Variants in ERCC6L2 observed in about 807,000 individuals in gnomAD.
ERCC6L2 encodes the protein ERCC excision repair 6 like 2, also known as DNA excision repair protein ERCC-6-like 2.
A neutral mutation model predicts 132.0 loss-of-function variants in ERCC6L2; 77 were observed. The observed-to-expected ratio is 0.58, with a 90% confidence interval of 0.49 to 0.71. The LOEUF (loss-of-function observed/expected upper bound fraction) is 0.71. Among genes scored for constraint, ERCC6L2 ranks in the 30% least tolerant of loss-of-function variants. The pLI is 0.00. For missense variants in ERCC6L2, 1,542 were observed against 1,837.6 expected, an observed-to-expected ratio of 0.84 and a Z score of 2.94; for synonymous variants, 583 against 632.4, an observed-to-expected ratio of 0.92 and a Z score of 1.17.
At chr9:95,877,032 G>A (rs908615906) in intron 1 of ERCC6L2, 1 of 152,190 alleles carries the variant, frequency 6.6e-6, no homozygotes, top group Non-Finnish European at 1.5e-5. Flanking sequence ...CCCCGAGGTG[G>A]GAACACCCTT....
intron 11 of ERCC6L2, among the ~76,000 whole-genome samples, chr9:95,931,555 G>A (rs1830340697): frequency 6.6e-6 from 1 of 152,154 alleles, no homozygotes; most frequent in Non-Finnish European, 1.5e-5. Flanking sequence ...TACAGAAAAT[G>A]TCTTTTATTG....
At chr9:95,946,658 T>G (rs962569423) in intron 12 of ERCC6L2, among the ~76,000 whole-genome samples, 1 of 152,262 alleles carries the variant, frequency 6.6e-6, no homozygotes, top group African/African-American at 2.4e-5. Flanking sequence ...TGCACTTCAC[T>G]TTATTGTGCT....
rs78293324 is a variant in ERCC6L2, at chr9:95,876,031, C to G, written c.-8C>G. 3,702 of 1,588,360 alleles carry G rather than the reference C, an allele frequency of 2.3e-3. 68 individuals carry two copies. The East Asian group carries it at 0.05, about 21-fold the overall frequency. Reference sequence around the variant, plus strand: ...ATGCAGCCGGGCTCGGCCCCTCCCCCTGGCCGGATGGATCCGTCGGCGCCA... The same window carrying G: ...ATGCAGCCGGGCTCGGCCCCTCCCCGTGGCCGGATGGATCCGTCGGCGCCA... On this transcript the variant is annotated 5_prime_UTR_variant, in exon 1 of 19. Transcript: ENST00000653738.
At chr9:96,006,272 G>A (rs943555965) in intron 18 of ERCC6L2, among the ~76,000 whole-genome samples, 2 of 152,360 alleles carry the variant, frequency 1.3e-5, no homozygotes, top group Admixed American at 6.5e-5. Context: ...GGAGGCATAA[G>A]AGGCACAGTA....
intron 18 of ERCC6L2, among the ~76,000 whole-genome samples, chr9:96,010,978 C>G (rs929425789): frequency 3.9e-5 from 6 of 152,210 alleles, no homozygotes; most frequent in Non-Finnish European, 8.8e-5. Context: ...TAATCAAGTG[C>G]TGCTGCACTC....
chr9:95,910,332 A>G (rs1055297523), intron 4 of ERCC6L2, among the ~76,000 whole-genome samples: 1 of 151,994 alleles, frequency 6.6e-6, no homozygotes, highest in African/African-American at 2.4e-5. Flanking sequence ...ATACCTATTT[A>G]TTTCTAATAA....
intron 2 of ERCC6L2, among the ~76,000 whole-genome samples, chr9:95,892,491 T>G (rs555284774): frequency 1.3e-5 from 2 of 150,592 alleles, no homozygotes; most frequent in Non-Finnish European, 3.0e-5. Context: ...GGTGGTGATC[T>G]CAGCTCACTG....
At chr9:96,029,250 G>A (rs1341505346) in intron 19 of ERCC6L2, among the ~76,000 whole-genome samples, 1 of 143,768 alleles carries the variant, frequency 7.0e-6, no homozygotes, top group Non-Finnish European at 1.5e-5. Context: ...GTTGCAGTGA[G>A]CTGAGATCGC....
chr9:95,914,285 A>G (rs1829474650), intron 4 of ERCC6L2, among the ~76,000 whole-genome samples: 1 of 152,154 alleles, frequency 6.6e-6, no homozygotes, highest in African/African-American at 2.4e-5. Context: ...ATATCTTCAG[A>G]TAGACATTTG....
chr9:95,895,728 C>CT (rs10711041), intron 2 of ERCC6L2, among the ~76,000 whole-genome samples: 3,341 of 134,984 alleles, frequency 0.025, 50 homozygotes, highest in Non-Finnish European at 0.029. Flanking sequence ...GTTGTCATAG[C>CT]TTTTTTTTTT....
At chr9:96,027,393 G>A (rs1834393169) in intron 19 of ERCC6L2, among the ~76,000 whole-genome samples, 4 of 152,220 alleles carry the variant, frequency 2.6e-5, no homozygotes. Context: ...CCCGCGGGCT[G>A]CGGGAAAGGA....
chr9:95,894,120 G>A (rs551521815), intron 2 of ERCC6L2, among the ~76,000 whole-genome samples: 59 of 152,282 alleles, frequency 3.9e-4, no homozygotes, highest in Middle Eastern at 3.4e-3. Flanking sequence ...TTAGCATATA[G>A]TTGGGCAGAA....
chr9:95,972,578 G>A lies in ERCC6L2; in HGVS notation c.2827G>A (p.Asp943Asn), dbSNP rs1361230219. 1 of 1,289,508 alleles carries A rather than the reference G, an allele frequency of 7.8e-7. No homozygotes were observed. Among genetic ancestry groups the A allele is most frequent in the African/African-American group, 1.5e-5 (1 of 65,910 alleles). 79.9% of individuals were successfully genotyped at this position (1,289,508 alleles called of 1,614,324 possible). Residue 943 changes from aspartate (D) to asparagine (N), a missense_variant, in exon 16 of 19, where the codon GAT becomes AAT. Physicochemically the swap from Asp to Asn is conservative, Grantham distance 23. Transcript: ENST00000653738. ...ACACACTGTAAAAACAAGAAATAAT[G>A]ATAATAGTCGAAACACTGATGACAA... The part of the protein sequence containing the change: ...TEHTVKTRNN[D>N]NSRNTDDKRN...
intron 14 of ERCC6L2, among the ~76,000 whole-genome samples, chr9:95,969,765 A>G (rs1388016550): frequency 2.6e-5 from 4 of 152,184 alleles, no homozygotes; most frequent in African/African-American, 9.6e-5. Context: ...CTAGAGTTCC[A>G]TAGGGGAGAT....
intron 9 of ERCC6L2, 24 bp from the exon 10 acceptor site, chr9:95,928,055 T>C (rs1489399500): frequency 6.3e-6 from 10 of 1,580,036 alleles, no homozygotes; most frequent in Non-Finnish European, 8.7e-6. Context: ...ACTGGTTCAC[T>C]GATTTTCTGT....
Position 95,964,455 on chromosome 9 carries a change from A to G in ERCC6L2, c.1948-2107A>G, listed in dbSNP as rs16910390. Among the ~76,000 whole-genome samples, 890 of 152,224 alleles carry G rather than the reference A, an allele frequency of 5.8e-3. 25 individuals are homozygous for G. In the East Asian group the frequency reaches 0.069, roughly 12 times the overall value. ...CCACCTGGGTTATCCAGATGGGCCA[A>G]TGTAATCACAAGGGATTTTTTATAA... On this transcript the variant is annotated intron_variant, in intron 13 of 18. Coordinates refer to ENST00000653738, the MANE Select transcript of ERCC6L2 (RefSeq NM_020207.7).
At chr9:95,999,447 GT>G (rs201531070) in intron 17 of ERCC6L2, among the ~76,000 whole-genome samples, 1,553 of 152,274 alleles carry the variant, frequency 0.01, 20 homozygotes, top group Middle Eastern at 0.041. Context: ...AGATCCACGT[GT>G]CTAATAGCTA....
intron 11 of ERCC6L2, 105 bp from the exon 12 acceptor site, chr9:95,941,349 C>T (rs1830787897): frequency 3.0e-6 from 2 of 676,242 alleles, no homozygotes; most frequent in Non-Finnish European, 5.1e-6. Flanking sequence ...GAAATTAATG[C>T]AATATCGTAC....
intron 17 of ERCC6L2, among the ~76,000 whole-genome samples, chr9:96,002,499 G>A (rs1453302492): frequency 6.7e-6 from 1 of 148,520 alleles, no homozygotes; most frequent in Non-Finnish European, 1.5e-5. Context: ...TTGGCTCATT[G>A]CAACTTCTGC....
Sources: gnomAD v4.1 joint callset for allele counts (sites outside exome capture counted in the v4.1 genomes callset) on GRCh38, gnomAD v4.1.1 for gene constraint, MANE v1.5 for transcripts, NCBI Gene and HGNC (gene_info 2026-07-23, HGNC 2026-07-21) for gene names.